DPYSL5: variants seen among roughly 807,000 people sequenced by gnomAD.
DPYSL5 encodes the protein dihydropyrimidinase like 5, also known as dihydropyrimidinase-related protein 5.
In DPYSL5, 9 loss-of-function variants were observed where a neutral mutation model predicts 58.4. The ratio of observed to expected loss-of-function variants is 0.15; its 90% CI spans 0.09 to 0.27. The LOEUF is 0.27. Among genes scored for constraint, DPYSL5 ranks in the 10% least tolerant of loss-of-function variants. The probability of loss-of-function intolerance (pLI) is 1.00; values close to 1 mark genes in which losing one functional copy is unlikely to be tolerated. For missense variants in DPYSL5, 499 were observed against 770.6 expected, an observed-to-expected ratio of 0.65 and a Z score of 4.17; for synonymous variants, 293 against 301.9, an observed-to-expected ratio of 0.97 and a Z score of 0.31.
chr2:26,928,704 T>TACACACACACAAACACACACACACAC (rs1664891046), intron 5 of DPYSL5, among the ~76,000 whole-genome samples: 1 of 62,966 alleles, frequency 1.6e-5, no homozygotes, highest in South Asian at 7.0e-4. Context: ...TATATATATA[T>TACACACACACAAACACACACACACAC]ACACACACAC....
At chr2:26,908,766 T>C (rs1329666696) in intron 2 of DPYSL5, among the ~76,000 whole-genome samples, 1 of 152,244 alleles carries the variant, frequency 6.6e-6, no homozygotes, top group Non-Finnish European at 1.5e-5. Flanking sequence ...CTTTGCTTTA[T>C]GCTGTCATCC....
chr2:26,948,639 A>T lies in DPYSL5; in HGVS notation c.*1644A>T, dbSNP rs956413704. The T allele has an allele frequency of 1.3e-5, 2 of 152,656 alleles. No homozygotes were observed. The highest frequency in any genetic ancestry group is 4.8e-5 in the African/African-American group (2 of 41,450). The allele number at this position is 152,656 out of a possible 1,614,324, so 9.5% of individuals were successfully genotyped here. A position where few individuals can be genotyped will look rare whatever the true frequency, so the allele number is the denominator to read the frequency against. ...TTTGGGAGGCCAAGGCGGGTGGATC[A>T]TGGAGTCAGGAGATCGAGACCATCC... On this transcript the variant is annotated 3_prime_UTR_variant, in exon 13 of 13. Coordinates refer to ENST00000288699, the MANE Select transcript of DPYSL5 (RefSeq NM_020134.4).
intron 1 of DPYSL5, among the ~76,000 whole-genome samples, chr2:26,881,204 C>T (rs1036587775): frequency 6.6e-5 from 10 of 152,260 alleles, no homozygotes; most frequent in African/African-American, 1.7e-4. Flanking sequence ...CCTCTGTGCC[C>T]GTCTCATCCT....
At position 26,877,440 on chromosome 2, in the gene DPYSL5, G is replaced by A. The variant is rs1449447807; in HGVS notation, c.-4-21056G>A. On this transcript the variant is annotated intron_variant, in intron 1 of 12. Transcript: ENST00000288699. The surrounding 1 kb of genome is among the most constrained non-coding windows in gnomAD (Gnocchi z 4.1). ...TGGATGCAGGGGACGCACATTGTCT[G>A]CATTCCTGTTTTCTGTGCCTACTAC... is the stretch of plus-strand genomic sequence containing the variant. Among the ~76,000 whole-genome samples the A allele has an allele frequency of 6.6e-6, 1 of 152,136 alleles. No individual in the cohort carries two copies. Among genetic ancestry groups the A allele is most frequent in the East Asian group, 1.9e-4 (1 of 5,198 alleles).
intron 1 of DPYSL5, among the ~76,000 whole-genome samples, chr2:26,866,941 C>T (rs1014498690): frequency 6.6e-6 from 1 of 151,954 alleles, no homozygotes; most frequent in African/African-American, 2.4e-5. Flanking sequence ...ACCATGTTGG[C>T]CAGGCTGGTC....
chr2:26,909,209 A>G (rs1489297676), intron 2 of DPYSL5, among the ~76,000 whole-genome samples: 2 of 152,126 alleles, frequency 1.3e-5, no homozygotes. Context: ...GAAGCCCTAT[A>G]AGGATCTTTA....
Position 26,944,562 on chromosome 2 carries a change from TA to T in DPYSL5, c.1441-92del. 1 of 1,428,652 alleles carries T rather than the reference TA, an allele frequency of 7.0e-7. No individual in the cohort carries two copies. Among genetic ancestry groups the T allele is most frequent in the Admixed American group, 2.0e-5 (1 of 49,332 alleles). 88.5% of individuals were successfully genotyped at this position (1,428,652 alleles called of 1,614,324 possible). A position where few individuals can be genotyped will look rare whatever the true frequency, so the allele number is the denominator to read the frequency against. ...GGGTCTTGGGCAGAGTGGCAGTGTC[TA>T]ATGTCCCACCGGCCCCCAGGGAGGC... On this transcript the variant is annotated intron_variant, in intron 11 of 12. Transcript: ENST00000288699. This position sits in a 1 kb window ranked among gnomAD's most constrained non-coding sequence, Gnocchi z 4.4.
chr2:26,893,042 AC>A (rs1663928504), intron 1 of DPYSL5, among the ~76,000 whole-genome samples: 1 of 151,636 alleles, frequency 6.6e-6, no homozygotes, highest in Non-Finnish European at 1.5e-5. Context: ...GTCGCCTTCC[AC>A]TCTAGGGGAG....
At chr2:26,848,545 G>A (rs1215653316) in intron 1 of DPYSL5, 1 of 152,394 alleles carries the variant, frequency 6.6e-6, no homozygotes, top group Admixed American at 6.5e-5. Flanking sequence ...CTGGGGTGAG[G>A]AGGCGGCTCG....
intron 1 of DPYSL5, among the ~76,000 whole-genome samples, chr2:26,858,241 G>A (rs1329248861): frequency 1.6e-5 from 2 of 122,846 alleles, no homozygotes; most frequent in East Asian, 2.0e-4. Flanking sequence ...GCGCGATCTC[G>A]GCTCACTGCA....
chr2:26,912,319 G>A (rs1363844112), intron 2 of DPYSL5, among the ~76,000 whole-genome samples: 1 of 152,336 alleles, frequency 6.6e-6, no homozygotes, highest in South Asian at 2.1e-4. Flanking sequence ...TTTCCAGGGC[G>A]GCCTCTCGTC....
At chr2:26,853,576 GAGTTCTCCAGAAAAACAGAAAATC>G (rs1336211933) in intron 1 of DPYSL5, among the ~76,000 whole-genome samples, 3 of 152,132 alleles carry the variant, frequency 2.0e-5, no homozygotes, top group Non-Finnish European at 4.4e-5. Context: ...AGGATAACTG[GAGTTCTCCAGAAAAACAGAAAATC>G]AGTTCTCCAG....
intron 1 of DPYSL5, among the ~76,000 whole-genome samples, chr2:26,886,098 C>T (rs1226562779): frequency 6.6e-6 from 1 of 152,202 alleles, no homozygotes; most frequent in East Asian, 1.9e-4. Flanking sequence ...CCCTCATTAG[C>T]TAGACTTTCA....
At chr2:26,900,752 TG>T (rs1317473257) in intron 2 of DPYSL5, among the ~76,000 whole-genome samples, 2 of 152,346 alleles carry the variant, frequency 1.3e-5, no homozygotes, top group East Asian at 3.9e-4. Flanking sequence ...CAGTCCATTC[TG>T]GGGTCCATTC....
At chr2:26,895,668 CTTAT>C (rs917161218) in intron 1 of DPYSL5, among the ~76,000 whole-genome samples, 1 of 151,628 alleles carries the variant, frequency 6.6e-6, no homozygotes, top group Non-Finnish European at 1.5e-5. Context: ...AGCTCTTAAA[CTTAT>C]TTAACTGAAA....
chr2:26,882,064 C>A (rs1199944163), intron 1 of DPYSL5, among the ~76,000 whole-genome samples: 1 of 134,220 alleles, frequency 7.5e-6, no homozygotes, highest in Non-Finnish European at 1.5e-5. Flanking sequence ...GCACTCCAGC[C>A]TGGGTGATAG....
At chr2:26,889,472 G>A (rs367731584) in intron 1 of DPYSL5, among the ~76,000 whole-genome samples, 4 of 151,428 alleles carry the variant, frequency 2.6e-5, no homozygotes, top group East Asian at 1.9e-4. Context: ...CAGTTTCATC[G>A]TGTTAGCCAG....
chr2:26,852,979 C>T (rs1665793743), intron 1 of DPYSL5, among the ~76,000 whole-genome samples: 1 of 152,192 alleles, frequency 6.6e-6, no homozygotes, highest in Non-Finnish European at 1.5e-5. Flanking sequence ...TTTAATCTTT[C>T]ATCCCAAGGG....
chr2:26,887,840 C>T (rs1400801967), intron 1 of DPYSL5, among the ~76,000 whole-genome samples: 1 of 152,188 alleles, frequency 6.6e-6, no homozygotes, highest in Non-Finnish European at 1.5e-5. Context: ...TTGCACATCA[C>T]CTTAACGCGA....
Sources: allele counts gnomAD v4.1 joint callset (sites outside exome capture counted in the v4.1 genomes callset), GRCh38; gene constraint gnomAD v4.1.1; non-coding constraint Gnocchi (gnomAD v3.1); transcripts MANE v1.5; gene names NCBI Gene and HGNC (gene_info 2026-07-23, HGNC 2026-07-21).